SORBS2: variants seen among roughly 807,000 people sequenced by gnomAD.
SORBS2 encodes the protein sorbin and SH3 domain containing 2.
A neutral mutation model predicts 97.7 loss-of-function variants in SORBS2; 46 were observed. The observed-to-expected ratio is 0.47, with a 90% CI of 0.37 to 0.60. The LOEUF is 0.60. Ranked by LOEUF, SORBS2 falls within the 20% of genes least tolerant of loss-of-function variation. The probability of loss-of-function intolerance (pLI) is 0.00; values close to 1 mark genes in which losing one functional copy is unlikely to be tolerated. For synonymous variants in SORBS2, 476 were observed against 473.4 expected, an observed-to-expected ratio of 1.01 and a Z score of -0.07; for missense variants, 1,316 against 1,282.3, an observed-to-expected ratio of 1.03 and a Z score of -0.40.
intron 1 of SORBS2, among the ~76,000 whole-genome samples, chr4:185,945,928 T>C (rs550783142): frequency 3.2e-4 from 49 of 152,258 alleles, no homozygotes; most frequent in African/African-American, 1.2e-3. Flanking sequence ...GAACCATGTG[T>C]TTGGCAGCTT....
At chr4:185,835,271 A>C (rs1168703630) in intron 1 of SORBS2, among the ~76,000 whole-genome samples, 3 of 152,250 alleles carry the variant, frequency 2.0e-5, no homozygotes, top group Non-Finnish European at 1.5e-5. Context: ...TGCAAGAATG[A>C]ACTAATACAG....
intron 5 of SORBS2, among the ~76,000 whole-genome samples, chr4:185,627,522 A>C (rs2096836272): frequency 1.3e-5 from 2 of 152,206 alleles, no homozygotes; most frequent in Non-Finnish European, 2.9e-5. Context: ...CCGGACAACT[A>C]AATTTTTTTA....
chr4:185,863,863 T>C (rs1579236108), intron 1 of SORBS2, among the ~76,000 whole-genome samples: 6 of 152,352 alleles, frequency 3.9e-5, no homozygotes, highest in Admixed American at 3.9e-4. Context: ...TTTAGTGTTG[T>C]TTGTACAATT....
chr4:185,821,520 T>C (rs1393135116), intron 1 of SORBS2, among the ~76,000 whole-genome samples: 2 of 152,132 alleles, frequency 1.3e-5, no homozygotes, highest in African/African-American at 4.8e-5. Flanking sequence ...ACCTCCTGGG[T>C]TCAAGGGATT....
chr4:185,870,363 G>C (rs1028501344), intron 1 of SORBS2, among the ~76,000 whole-genome samples: 1 of 152,198 alleles, frequency 6.6e-6, no homozygotes, highest in Non-Finnish European at 1.5e-5. Flanking sequence ...TGAGCTCTGA[G>C]CCCTGCATCT....
chr4:185,940,677 C>A (rs2099271513), intron 1 of SORBS2, among the ~76,000 whole-genome samples: 1 of 152,226 alleles, frequency 6.6e-6, no homozygotes, highest in African/African-American at 2.4e-5. Flanking sequence ...CTTCTCCACC[C>A]AAGCTGGCTA....
intron 2 of SORBS2, among the ~76,000 whole-genome samples, chr4:185,763,376 C>G (rs2098915430): frequency 6.6e-6 from 1 of 152,186 alleles, no homozygotes; most frequent in East Asian, 1.9e-4. Context: ...ACCTGCTATA[C>G]TGGCCCTTCC....
chr4:185,783,582 G>A (rs536429793), intron 1 of SORBS2, among the ~76,000 whole-genome samples: 1 of 152,148 alleles, frequency 6.6e-6, no homozygotes, highest in African/African-American at 2.4e-5. Flanking sequence ...GTATGGGAGA[G>A]ACACGTTAAG....
Position 185,751,190 on chromosome 4 carries a change from A to AAAAAAAAAAAAAAAAAAAAAAAAAAAAAG in SORBS2, c.-198+24036_-198+24037insCTTTTTTTTTTTTTTTTTTTTTTTTTTTT. Among the ~76,000 whole-genome samples, 150 of 86,458 alleles carry AAAAAAAAAAAAAAAAAAAAAAAAAAAAAG rather than the reference A, an allele frequency of 1.7e-3. 29 individuals carry two copies. Among genetic ancestry groups the AAAAAAAAAAAAAAAAAAAAAAAAAAAAAG allele is most frequent in the Non-Finnish European group, 2.7e-3 (109 of 39,674 alleles). The allele number at this position is 86,458 out of a possible 152,430, so 56.7% of individuals were successfully genotyped here. A position where few individuals can be genotyped will look rare whatever the true frequency, so the allele number is the denominator to read the frequency against. Reference sequence around the variant, plus strand: ...TAAATACTAAAAAAAAAAAAAAAAAAAGAGAAAGAGAGAGAAATTCAGGAA... The same window carrying AAAAAAAAAAAAAAAAAAAAAAAAAAAAAG: ...TAAATACTAAAAAAAAAAAAAAAAAAAAAAAAAAAAAAAAAAAAAAAAAAAAAAGAGAGAAAGAGAGAGAAATTCAGGAA... On this transcript the variant is annotated intron_variant, in intron 2 of 20. Transcript: ENST00000284776.
rs568359633 is a variant in SORBS2 at position 185,856,469 on chromosome 4, C to G, written c.-337-81103G>C. ...TTCCCTGAAACTCCCACATTTATGA[C>G]CCCACTATCTTGCCTACAGCTAAAT... On this transcript the variant is annotated intron_variant, in intron 1 of 20. Transcript: ENST00000284776. Among the ~76,000 whole-genome samples, 52 of 152,276 alleles carry G rather than the reference C, an allele frequency of 3.4e-4. 1 individual carries two copies. The highest frequency in any genetic ancestry group is 2.5e-3 in the South Asian group (12 of 4,818).
At chr4:185,710,518 A>C (rs1240989873) in intron 2 of SORBS2, among the ~76,000 whole-genome samples, 1 of 152,190 alleles carries the variant, frequency 6.6e-6, no homozygotes, top group African/African-American at 2.4e-5. Context: ...TCCCCCCCAA[A>C]TTTTGAAGAT....
intron 1 of SORBS2, among the ~76,000 whole-genome samples, chr4:185,856,555 T>C (rs2099220635): frequency 3.3e-5 from 5 of 152,128 alleles, no homozygotes; most frequent in Admixed American, 3.3e-4. Context: ...CCAGTAACTT[T>C]TTTTAAAAAA....
At chr4:185,855,144 T>C (rs2099220082) in intron 1 of SORBS2, among the ~76,000 whole-genome samples, 1 of 152,238 alleles carries the variant, frequency 6.6e-6, no homozygotes, top group African/African-American at 2.4e-5. Flanking sequence ...GCATAGTTTT[T>C]CCTTGAAATA....
intron 1 of SORBS2, among the ~76,000 whole-genome samples, chr4:185,883,246 G>A (rs1033811303): frequency 1.3e-5 from 2 of 152,078 alleles, no homozygotes; most frequent in African/African-American, 4.8e-5. Flanking sequence ...ATAGAGATTT[G>A]AATAGATTTT....
intron 2 of SORBS2, among the ~76,000 whole-genome samples, chr4:185,693,537 GA>G (rs2098128866): frequency 6.6e-6 from 1 of 152,182 alleles, no homozygotes; most frequent in African/African-American, 2.4e-5. Context: ...TCTAAAACAA[GA>G]AGGGATAAAC....
chr4:185,834,202 T>C (rs2099206680), intron 1 of SORBS2, among the ~76,000 whole-genome samples: 1 of 152,152 alleles, frequency 6.6e-6, no homozygotes, highest in African/African-American at 2.4e-5. Flanking sequence ...GGCATCTGCT[T>C]CTGGGGAGGA....
chr4:185,612,649 C>A (rs1202071463), intron 11 of SORBS2, among the ~76,000 whole-genome samples: 1 of 151,816 alleles, frequency 6.6e-6, no homozygotes, highest in Admixed American at 6.6e-5. Context: ...CCACCAGGCC[C>A]GGCTAATTTT....
At chr4:185,891,301 C>A (rs957473356) in intron 1 of SORBS2, among the ~76,000 whole-genome samples, 1 of 152,172 alleles carries the variant, frequency 6.6e-6, no homozygotes, top group African/African-American at 2.4e-5. Flanking sequence ...CGTATCTAAA[C>A]AATCCCCACT....
intron 1 of SORBS2, among the ~76,000 whole-genome samples, chr4:185,826,016 A>C (rs547178062): frequency 6.6e-6 from 1 of 152,194 alleles, no homozygotes; most frequent in Non-Finnish European, 1.5e-5. Flanking sequence ...GCCTGAAAGC[A>C]TTTAAAGTCC....
Sources: gnomAD v4.1 joint callset for allele counts (sites outside exome capture counted in the v4.1 genomes callset) on GRCh38, gnomAD v4.1.1 for gene constraint, MANE v1.5 for transcripts, NCBI Gene and HGNC (gene_info 2026-07-23, HGNC 2026-07-21) for gene names.